The following CPXM2 variants were observed in gnomAD, a reference collection of about 807,000 sequenced individuals.
CPXM2 encodes the protein inactive carboxypeptidase-like protein X2.
CPXM2 carries 66 observed loss-of-function variants against 86.1 expected under a neutral mutation model. That is an observed-to-expected ratio of 0.77 (90% CI 0.63 to 0.94). The LOEUF (loss-of-function observed/expected upper bound fraction) is 0.94. CPXM2 is among the 40% of genes least tolerant of loss of function. The pLI, the probability that CPXM2 is intolerant of heterozygous loss-of-function variation, is 0.00. For missense variants in CPXM2, 948 were observed against 1,026.3 expected (o/e 0.92, Z 1.04); for synonymous variants, 388 against 400.2 (o/e 0.97, Z 0.36).
intron 3 of CPXM2, among the ~76,000 whole-genome samples, chr10:123,847,285 G>A (rs1388572941): frequency 1.3e-5 from 2 of 152,218 alleles, no homozygotes; most frequent in Admixed American, 6.5e-5. Context: ...AGCACTTTGG[G>A]AGGCCAAGGT....
At chr10:123,904,392 C>T (rs1216772544) in intron 2 of CPXM2, among the ~76,000 whole-genome samples, 1 of 152,184 alleles carries the variant, frequency 6.6e-6, no homozygotes, top group Non-Finnish European at 1.5e-5. Flanking sequence ...TGTCCTGGAG[C>T]AGTCACCTCA....
intron 2 of CPXM2, among the ~76,000 whole-genome samples, chr10:123,932,398 C>G (rs1209152304): frequency 6.6e-6 from 1 of 152,226 alleles, no homozygotes; most frequent in Admixed American, 6.5e-5. Context: ...ACACTCTTGA[C>G]CAGTGGGACC....
chr10:123,843,360 A>G (rs1848427103), intron 3 of CPXM2: 1 of 435,842 alleles, frequency 2.3e-6, no homozygotes, highest in East Asian at 7.1e-5. Context: ...TCGCCTCCCA[A>G]AAAGGACATT....
chr10:123,789,835 G>T (rs950580505), intron 6 of CPXM2, among the ~76,000 whole-genome samples: 2 of 152,126 alleles, frequency 1.3e-5, no homozygotes, highest in African/African-American at 4.8e-5. Context: ...GAGAGCAGGG[G>T]TGGCCGGGTG....
At chr10:123,926,838 A>C (rs549612393) in intron 2 of CPXM2, among the ~76,000 whole-genome samples, 1 of 152,346 alleles carries the variant, frequency 6.6e-6, no homozygotes, top group African/African-American at 2.4e-5. Context: ...TCTGCCCTGT[A>C]CTGCATGGCT....
chr10:123,907,816 A>G (rs940849550), intron 2 of CPXM2, among the ~76,000 whole-genome samples: 5 of 151,980 alleles, frequency 3.3e-5, no homozygotes, highest in Admixed American at 2.6e-4. Flanking sequence ...CATGGAGCTT[A>G]TTTTCTAGTG....
At chr10:123,798,241 G>T in intron 5 of CPXM2, 115 bp from the exon 6 acceptor site, 19 of 690,162 alleles carry the variant, frequency 2.8e-5, no homozygotes, top group Non-Finnish European at 3.3e-5. Flanking sequence ...AATGTGTGCT[G>T]TGCATTGAAA....
At chr10:123,818,769 C>T (rs1206221733) in intron 4 of CPXM2, among the ~76,000 whole-genome samples, 1 of 152,266 alleles carries the variant, frequency 6.6e-6, no homozygotes, top group Non-Finnish European at 1.5e-5. Context: ...AGTTACAACG[C>T]CAACTCAGTG....
intron 2 of CPXM2, among the ~76,000 whole-genome samples, chr10:123,868,325 C>T (rs549534995): frequency 6.6e-6 from 1 of 152,300 alleles, no homozygotes; most frequent in African/African-American, 2.4e-5. Flanking sequence ...CTGCTAACAC[C>T]GTAACCCCTA....
At chr10:123,895,583 G>A (rs564852022), upstream of CPXM2, among the ~76,000 whole-genome samples, 9 of 152,254 alleles carry the variant, frequency 5.9e-5, no homozygotes, top group African/African-American at 1.7e-4. Flanking sequence ...AGTCTTTCAC[G>A]GCATCAGCCA....
At chr10:123,770,851 C>T in intron 8 of CPXM2, 65 bp downstream of exon 8, 4 of 1,500,838 alleles carry the variant, frequency 2.7e-6, no homozygotes, top group Non-Finnish European at 2.7e-6. Context: ...GGTGAACAGT[C>T]TCCTAACTGT....
intron 4 of CPXM2, among the ~76,000 whole-genome samples, chr10:123,817,281 C>A (rs1340198537): frequency 2.0e-5 from 3 of 152,148 alleles, no homozygotes; most frequent in Admixed American, 2.0e-4. Flanking sequence ...GCCATATGAC[C>A]CAGCAGATCC....
intron 2 of CPXM2, among the ~76,000 whole-genome samples, chr10:123,918,782 A>G (rs1481175226): frequency 2.0e-5 from 3 of 152,182 alleles, no homozygotes; most frequent in Admixed American, 6.5e-5. Context: ...AAATTCTGAG[A>G]AAATTATTTC....
In CPXM2 at chr10:123,776,007, G is replaced by A. The variant is rs549406521; in HGVS notation, c.978+4160C>T. On this transcript the variant is annotated intron_variant, in intron 7 of 13. Coordinates refer to ENST00000241305, the MANE Select transcript of CPXM2 (RefSeq NM_198148.3). ...TGGAGTTTGCGTCTTTGTGGTAAAT[G>A]TTTGGGTCTTGATGACTTCAGTCAG... Among the ~76,000 whole-genome samples the A allele has an allele frequency of 5.3e-4, 81 of 152,292 alleles. 2 individuals carry two copies. The highest frequency in any genetic ancestry group is 1.9e-3 in the African/African-American group (78 of 41,558).
intron 13 of CPXM2, chr10:123,751,920 T>C: frequency 1.0e-6 from 1 of 985,400 alleles, no homozygotes. Context: ...ACTGTCTCAT[T>C]GATTGCAGGG....
intron 2 of CPXM2, among the ~76,000 whole-genome samples, chr10:123,917,569 T>C (rs926267154): frequency 6.6e-6 from 1 of 152,246 alleles, no homozygotes; most frequent in Non-Finnish European, 1.5e-5. Flanking sequence ...GGCACCTTTC[T>C]ACCTAACAAC....
In CPXM2 at chr10:123,891,261, A is replaced by G; in HGVS notation, c.304+95T>C. On this transcript the variant is annotated intron_variant, in intron 1 of 13. Coordinates refer to ENST00000241305, the MANE Select transcript of CPXM2 (RefSeq NM_198148.3). The surrounding 1 kb of genome is among the most constrained non-coding windows in gnomAD (Gnocchi z 5.6). ...ACAGGGAGATTCCCGGGACTGGCCC[A>G]TCCCAGACACACACAATGGGAGAAG... 9.3e-7 allele frequency: 1 copy of G among 1,079,224 alleles called. No homozygotes were observed. The highest frequency in any genetic ancestry group is 1.3e-6 in the Non-Finnish European group (1 of 772,346). The allele number at this position is 1,079,224 out of a possible 1,614,324, so 66.9% of individuals were successfully genotyped here.
chr10:123,835,578 G>C (rs1451490808), intron 4 of CPXM2, among the ~76,000 whole-genome samples: 1 of 152,176 alleles, frequency 6.6e-6, no homozygotes, highest in Non-Finnish European at 1.5e-5. Context: ...AAAGAGGTTA[G>C]AAAGGAGTTT....
At chr10:123,843,669 T>A (rs561144027) in intron 3 of CPXM2, among the ~76,000 whole-genome samples, 1 of 152,200 alleles carries the variant, frequency 6.6e-6, no homozygotes, top group Admixed American at 6.5e-5. Flanking sequence ...TTACTTTTAA[T>A]TGGCAATGGA....
Sources: gnomAD v4.1 joint callset for allele counts (sites outside exome capture counted in the v4.1 genomes callset) on GRCh38, gnomAD v4.1.1 for gene constraint, Gnocchi (gnomAD v3.1) non-coding constraint, MANE v1.5 for transcripts, NCBI Gene and HGNC (gene_info 2026-07-23, HGNC 2026-07-21) for gene names.